ZFHX3: variants seen among roughly 807,000 people sequenced by gnomAD.
ZFHX3 encodes zinc finger homeobox protein 3.
A neutral mutation model predicts 279.1 loss-of-function variants in ZFHX3; 42 were observed. The observed-to-expected ratio is 0.15, with a 90% confidence interval of 0.12 to 0.19. The LOEUF (loss-of-function observed/expected upper bound fraction) is 0.19, where lower values mean the gene tolerates loss of function less well. ZFHX3 is among the 10% of genes least tolerant of loss of function. The pLI is 1.00. For missense variants in ZFHX3, 4,981 were observed against 4,754.0 expected, an observed-to-expected ratio of 1.05 and a Z score of -1.40; for synonymous variants, 2,293 against 1,957.8, an observed-to-expected ratio of 1.17 and a Z score of -4.52.
At chr16:73,699,697 T>A (rs1359073328) in intron 1 of ZFHX3, among the ~76,000 whole-genome samples, 3 of 152,202 alleles carry the variant, frequency 2.0e-5, no homozygotes, top group Non-Finnish European at 4.4e-5. Context: ...ATTCCTATTT[T>A]CACAGATGAG....
At chr16:73,797,575 A>G (rs894898650) in intron 1 of ZFHX3, among the ~76,000 whole-genome samples, 2 of 152,186 alleles carry the variant, frequency 1.3e-5, no homozygotes, top group Non-Finnish European at 2.9e-5. Context: ...GAAATTTTCA[A>G]GTATGATTCA....
At chr16:73,352,913 G>A (rs531828574) in intron 3 of ZFHX3, among the ~76,000 whole-genome samples, 4 of 152,252 alleles carry the variant, frequency 2.6e-5, no homozygotes, top group African/African-American at 9.6e-5. Context: ...AACTGGCTTG[G>A]TTCAGGGCTG....
intron 7 of ZFHX3, among the ~76,000 whole-genome samples, chr16:73,120,563 T>C (rs1966484310): frequency 6.6e-6 from 1 of 152,110 alleles, no homozygotes; most frequent in African/African-American, 2.4e-5. Context: ...CATGAGCCAC[T>C]GTGCCTGGCC....
chr16:73,478,700 G>A (rs2018812450), intron 2 of ZFHX3, among the ~76,000 whole-genome samples: 2 of 152,282 alleles, frequency 1.3e-5, no homozygotes, highest in Admixed American at 6.5e-5. Context: ...CTGATAGGGT[G>A]TCGTACAGGA....
intron 1 of ZFHX3, among the ~76,000 whole-genome samples, chr16:72,963,483 C>T (rs935507702): frequency 2.0e-5 from 3 of 152,204 alleles, no homozygotes; most frequent in Non-Finnish European, 4.4e-5. Flanking sequence ...GCACTTAAAT[C>T]TGCCATCTGA....
chr16:73,833,147 G>A (rs947210775), intron 1 of ZFHX3, among the ~76,000 whole-genome samples: 2 of 152,098 alleles, frequency 1.3e-5, no homozygotes, highest in Non-Finnish European at 2.9e-5. Flanking sequence ...AGGATTGCTC[G>A]AGGCCAGGAG....
intron 1 of ZFHX3, among the ~76,000 whole-genome samples, chr16:73,857,973 G>C (rs1183107696): frequency 6.6e-6 from 1 of 152,070 alleles, no homozygotes; most frequent in Non-Finnish European, 1.5e-5. Flanking sequence ...TGCCACGCCT[G>C]TAGTACCGGC....
At chr16:73,791,569 C>T (rs1316569073) in intron 1 of ZFHX3, among the ~76,000 whole-genome samples, 13 of 152,222 alleles carry the variant, frequency 8.5e-5, no homozygotes, top group African/African-American at 1.9e-4. Context: ...GGACTACAGG[C>T]GCACACCACC....
chr16:73,716,361 T>C (rs1242110793), intron 1 of ZFHX3, among the ~76,000 whole-genome samples: 1 of 152,170 alleles, frequency 6.6e-6, no homozygotes, highest in African/African-American at 2.4e-5. Context: ...AGATTCAGCA[T>C]GTAATTTCCA....
intron 2 of ZFHX3, among the ~76,000 whole-genome samples, chr16:73,570,259 C>CAT (rs1436229097): frequency 6.6e-6 from 1 of 152,194 alleles, no homozygotes; most frequent in African/African-American, 2.4e-5. Flanking sequence ...AATGCAACCC[C>CAT]ATATAATGTG....
chr16:73,380,702 A>C (rs2016805688), intron 3 of ZFHX3, among the ~76,000 whole-genome samples: 1 of 152,222 alleles, frequency 6.6e-6, no homozygotes, highest in African/African-American at 2.4e-5. Context: ...AGAGAAATTT[A>C]ATGTAAGAGG....
At chr16:73,635,982 C>T (rs974627336) in intron 2 of ZFHX3, among the ~76,000 whole-genome samples, 10 of 152,160 alleles carry the variant, frequency 6.6e-5, no homozygotes, top group Non-Finnish European at 1.5e-4. Context: ...TTAGTCATTT[C>T]CTCTTAGCAT....
intron 5 of ZFHX3, among the ~76,000 whole-genome samples, chr16:73,212,540 G>C (rs1285467159): frequency 6.6e-6 from 1 of 152,206 alleles, no homozygotes; most frequent in East Asian, 1.9e-4. Context: ...ATACAGAGCA[G>C]AGCTTCTAAC....
intron 1 of ZFHX3, among the ~76,000 whole-genome samples, chr16:73,818,441 G>T (rs1250545939): frequency 6.6e-6 from 1 of 152,180 alleles, no homozygotes; most frequent in African/African-American, 2.4e-5. Context: ...TGTACAAATG[G>T]CATATATGAG....
At chr16:73,665,297 T>A (rs1363184014) in intron 2 of ZFHX3, among the ~76,000 whole-genome samples, 1 of 149,248 alleles carries the variant, frequency 6.7e-6, no homozygotes, top group Non-Finnish European at 1.5e-5. Flanking sequence ...CATTGCAACC[T>A]CCACCTCCCA....
intron 1 of ZFHX3, among the ~76,000 whole-genome samples, chr16:73,044,805 G>C (rs576672932): frequency 6.6e-6 from 1 of 152,256 alleles, no homozygotes; most frequent in South Asian, 2.1e-4. Flanking sequence ...ATTTTTAGTA[G>C]AGACGGGGTT....
At chr16:73,751,446 C>T (rs1014748613) in intron 1 of ZFHX3, among the ~76,000 whole-genome samples, 32 of 152,154 alleles carry the variant, frequency 2.1e-4, no homozygotes, top group African/African-American at 7.0e-4. Context: ...TGTATATTCT[C>T]GATCATTGGA....
chr16:72,900,136 C>CAA (rs10669734), intron 3 of ZFHX3, among the ~76,000 whole-genome samples: 3,034 of 62,910 alleles, frequency 0.048, 131 homozygotes, highest in Non-Finnish European at 0.062. Flanking sequence ...ATGCCCTTGC[C>CAA]AAAAAAAAAA....
At chr16:72,903,431 T>C (rs74028145) in intron 3 of ZFHX3, among the ~76,000 whole-genome samples, 2,361 of 152,268 alleles carry the variant, frequency 0.016, 44 homozygotes, top group African/African-American at 0.049. Context: ...GGCCACTGTC[T>C]TACAGTGGGG....
Sources: gnomAD v4.1 joint callset for allele counts (sites outside exome capture counted in the v4.1 genomes callset) on GRCh38, gnomAD v4.1.1 for gene constraint, MANE v1.5 for transcripts, NCBI Gene and HGNC (gene_info 2026-07-23, HGNC 2026-07-21) for gene names.